The following OGFR variants were observed in gnomAD, a reference collection of about 807,000 sequenced individuals.
OGFR encodes the protein protein 7-60.
In OGFR, 18 loss-of-function variants were observed where a neutral mutation model predicts 33.6. The observed-to-expected ratio is 0.54, with a 90% CI of 0.37 to 0.80. The LOEUF is 0.80. Among genes scored for constraint, OGFR ranks in the 30% least tolerant of loss-of-function variants. The probability of loss-of-function intolerance (pLI) is 0.00; values close to 1 mark genes in which losing one functional copy is unlikely to be tolerated. For synonymous variants in OGFR, 370 were observed against 400.7 expected (o/e 0.92, Z 0.91); for missense variants, 877 against 955.8 (o/e 0.92, Z 1.09).
chr20:62,813,724 G>A lies in OGFR; in HGVS notation c.*75G>A. 6.5e-7 allele frequency: 1 copy of A among 1,539,290 alleles called. No homozygotes were observed. The highest frequency in any genetic ancestry group is 9.0e-7 in the Non-Finnish European group (1 of 1,116,814). On this transcript the variant is annotated 3_prime_UTR_variant, in exon 7 of 7. Coordinates refer to ENST00000290291, the MANE Select transcript of OGFR (RefSeq NM_007346.4). Reference sequence around the variant, plus strand: ...GCTGGGGCCTCCGGAGCTGCTGCGGGCTCCCCTCAGGCTCTGCTTCGTGAC... The same window carrying A: ...GCTGGGGCCTCCGGAGCTGCTGCGGACTCCCCTCAGGCTCTGCTTCGTGAC...
rs573433578 is a variant in OGFR, at chr20:62,808,215, A to G, written c.241-32A>G. ...CCCCAGGGCAGCTTGTGTCTGATGG[A>G]TCCCTGCTGTCCCCTTTCTCTGGCT... On this transcript the variant is annotated intron_variant, in intron 2 of 6. Transcript: ENST00000290291. 4.8e-5 allele frequency: 74 copies of G among 1,556,780 alleles called. 1 individual carries two copies. The South Asian group carries it at 7.2e-4, about 15-fold the overall frequency.
chr20:62,807,787 C>A (rs535612607), intron 2 of OGFR, 182 bp downstream of exon 2: 2 of 637,862 alleles, frequency 3.1e-6, no homozygotes, highest in East Asian at 2.7e-5. Context: ...TCCCCTCTCG[C>A]GGGAGACCGG....
intron 4 of OGFR, 102 bp from the exon 5 acceptor site, chr20:62,810,397 C>G (rs929473940): frequency 2.2e-5 from 25 of 1,150,970 alleles, no homozygotes; most frequent in Non-Finnish European, 3.1e-5. Context: ...AGCCTGGGAA[C>G]CCAGAGGGGA....
At position 62,812,668 on chromosome 20, in the gene OGFR, G is replaced by A. The variant is rs1292024350; in HGVS notation, c.1053G>A (p.Glu351=). ...VDEGPQPRSV[E]PQDAGPLERS... is the part of the protein sequence containing the mutation. ...AGGGGCCCCAGCCACGGAGCGTGGA[G>A]CCCCAGGATGCGGGACCCCTGGAGA... The change falls in exon 7 of 7, where the codon GAG becomes GAA. Residue 351 remains glutamate (E), a synonymous_variant. Transcript: ENST00000290291. 3.2e-6 allele frequency: 5 copies of A among 1,566,120 alleles called. No homozygotes were observed. Among genetic ancestry groups the A allele is most frequent in the Admixed American group, 1.9e-5 (1 of 51,996 alleles).
In OGFR at chr20:62,813,248, C is replaced by T. The variant is rs6122313; in HGVS notation, c.1633C>T (p.Arg545Cys). The change falls in exon 7 of 7, where the codon CGC (arginine) becomes TGC (cysteine). Residue 545 changes from arginine (R) to cysteine (C), a missense_variant. By Grantham distance (180) the Arg-to-Cys change is radical (BLOSUM62 -3). Coordinates refer to ENST00000290291, the MANE Select transcript of OGFR (RefSeq NM_007346.4). Reference sequence around the variant, plus strand: ...GAGCCCATCGGAGACCCCAGGCCCCCGCCCAGCAGGACCTGCAGGGGACGA... The same window carrying T: ...GAGCCCATCGGAGACCCCAGGCCCCTGCCCAGCAGGACCTGCAGGGGACGA... The part of the protein sequence containing the change: ...AESPSETPGP[R>C]PAGPAGDEPA... 2.2e-6 allele frequency: 3 copies of T among 1,334,648 alleles called. No homozygotes were observed. The highest frequency in any genetic ancestry group is 2.6e-5 in the Admixed American group (1 of 38,260). The allele number at this position is 1,334,648 out of a possible 1,614,324, so 82.7% of individuals were successfully genotyped here.
In OGFR at chr20:62,812,787, G is replaced by A. The variant is rs201013679; in HGVS notation, c.1172G>A (p.Arg391Gln). The change falls in exon 7 of 7, where the codon CGG becomes CAG. Residue 391 changes from arginine to glutamine, a missense_variant. Coordinates refer to ENST00000290291, the MANE Select transcript of OGFR (RefSeq NM_007346.4). ...AAGAAGAGGAAGCTGGAGCTGAGCC[G>A]GCGGGAGCAGCCGCCCACAGAGCCA... ...ESKKRKLELS[R>Q]REQPPTEPGP... 7.7e-5 allele frequency: 124 copies of A among 1,612,518 alleles called. No homozygotes were observed. The highest frequency in any genetic ancestry group is 1.2e-4 in the African/African-American group (9 of 75,056).
chr20:62,813,792 T>A lies in OGFR; in HGVS notation c.*143T>A. 3.0e-6 allele frequency: 3 copies of A among 985,630 alleles called. No homozygotes were observed. Among genetic ancestry groups the A allele is most frequent in the Non-Finnish European group, 4.6e-6 (3 of 656,914 alleles). The allele number at this position is 985,630 out of a possible 1,614,324, so 61.1% of individuals were successfully genotyped here. A position where few individuals can be genotyped will look rare whatever the true frequency, so the allele number is the denominator to read the frequency against. On this transcript the variant is annotated 3_prime_UTR_variant, in exon 7 of 7. Transcript: ENST00000290291. ...CAGTGCTGGCCTCCTGTGGGGCCAC[T>A]ATAGCAGCCACCAGAAGCCGCGAGG...
intron 4 of OGFR, 48 bp downstream of exon 4, chr20:62,809,711 G>A (rs772566994): frequency 3.6e-6 from 5 of 1,386,790 alleles, no homozygotes; most frequent in Non-Finnish European, 4.1e-6. Context: ...GGCCACAGGG[G>A]GAGGGCCCTC....
In OGFR at chr20:62,812,812, A is replaced by G. The variant is rs1299052056; in HGVS notation, c.1197A>G (p.Pro399=). ...LSRREQPPTE[P]GPQSASEVEK... ...GGCGGGAGCAGCCGCCCACAGAGCC[A>G]GGCCCTCAGAGTGCCTCAGAGGTGG... Residue 399 remains proline, a synonymous_variant, in exon 7 of 7, where the codon CCA becomes CCG. Transcript: ENST00000290291. 6.2e-7 allele frequency: 1 copy of G among 1,612,708 alleles called. No homozygotes were observed. The highest frequency in any genetic ancestry group is 8.5e-7 in the Non-Finnish European group (1 of 1,179,868).
At position 62,812,737 on chromosome 20, in the gene OGFR, G is replaced by T. The variant is rs377152446; in HGVS notation, c.1122G>T (p.Pro374=). The T allele has an allele frequency of 2.6e-5, 42 of 1,604,512 alleles. No individual in the cohort carries two copies. The highest frequency in any genetic ancestry group is 3.6e-5 in the Non-Finnish European group (42 of 1,176,112). The change falls in exon 7 of 7, where the codon CCG becomes CCT. Residue 374 remains proline (P), a synonymous_variant. Transcript: ENST00000290291. ...CAGGGGGCCACGGGGAAGATAGGCCGGAGCCCTTAAGCCCCAAAGAGAGCA... is the reference window on the plus strand; with the variant it reads ...CAGGGGGCCACGGGGAAGATAGGCCTGAGCCCTTAAGCCCCAAAGAGAGCA... ...DEAGGHGEDR[P]EPLSPKESKK...
At chr20:62,810,950 C>T (rs1474045367) in intron 5 of OGFR, among the ~76,000 whole-genome samples, 1 of 152,248 alleles carries the variant, frequency 6.6e-6, no homozygotes, top group Non-Finnish European at 1.5e-5. Flanking sequence ...CTGGCACTTT[C>T]CCATGGCCAG....
chr20:62,813,156 C>T lies in OGFR; in HGVS notation c.1541C>T (p.Thr514Ile), dbSNP rs1990777696. ...GGTCGAACGGGGCCCAAAGAAGGTA[C>T]CCCTGGGAGCCCATCGGAGACCCCA... ...TEGRTGPKEG[T>I]PGSPSETPGP... The change falls in exon 7 of 7, where the codon ACC becomes ATC. Residue 514 changes from threonine to isoleucine, a missense_variant. Around this residue, in one of 3 missense-constraint regions of OGFR, gnomAD observed 760 missense variants for 736.0 expected, o/e 1.03. Transcript: ENST00000290291. The T allele has an allele frequency of 1.9e-6, 3 of 1,586,230 alleles. No individual in the cohort carries two copies. Among genetic ancestry groups the T allele is most frequent in the African/African-American group, 2.7e-5 (2 of 74,174 alleles).
Position 62,813,154 on chromosome 20 carries a change from T to C in OGFR, c.1539T>C (p.Gly513=), listed in dbSNP as rs773808627. 3.8e-6 allele frequency: 6 copies of C among 1,584,736 alleles called. No homozygotes were observed. The highest frequency in any genetic ancestry group is 5.1e-6 in the Non-Finnish European group (6 of 1,166,180). ...AAGGTCGAACGGGGCCCAAAGAAGG[T>C]ACCCCTGGGAGCCCATCGGAGACCC... ...DTEGRTGPKE[G]TPGSPSETPG... The change falls in exon 7 of 7, where the codon GGT becomes GGC. Residue 513 remains glycine, a synonymous_variant. Transcript: ENST00000290291.
Position 62,811,626 on chromosome 20 carries a change from T to TACCCC in OGFR, c.614+16_614+17insACCCC. The TACCCC allele has an allele frequency of 6.7e-7, 1 of 1,502,546 alleles. No individual in the cohort carries two copies. The allele number at this position is 1,502,546 out of a possible 1,614,324, so 93.1% of individuals were successfully genotyped here. A position where few individuals can be genotyped will look rare whatever the true frequency, so the allele number is the denominator to read the frequency against. ...ACCTGAACTGGTGAGGCCCGGCTGCTCCCGCCCACCCCCACCCCGGCGCAG... is the reference window on the plus strand; with the variant it reads ...ACCTGAACTGGTGAGGCCCGGCTGCTACCCCCCCGCCCACCCCCACCCCGGCGCAG... On this transcript the variant is annotated intron_variant, in intron 6 of 6. Coordinates refer to ENST00000290291, the MANE Select transcript of OGFR (RefSeq NM_007346.4).
intron 3 of OGFR, 73 bp from the exon 4 acceptor site, chr20:62,809,512 C>T (rs912180734): frequency 2.6e-6 from 3 of 1,138,672 alleles, no homozygotes; most frequent in Non-Finnish European, 4.0e-6. Flanking sequence ...CTTATGTCCC[C>T]CACCCACACC....
chr20:62,807,442 T>G (rs1431140557), intron 1 of OGFR, 95 bp from the exon 2 acceptor site: 1 of 1,049,854 alleles, frequency 9.5e-7, no homozygotes, highest in Non-Finnish European at 1.5e-6. Flanking sequence ...AAGACAGCTC[T>G]GTGGCAGCTG....
rs1210848188 is a variant in OGFR, at chr20:62,813,054, C to T, written c.1439C>T (p.Ala480Val). The T allele has an allele frequency of 8.2e-6, 13 of 1,585,692 alleles. No individual in the cohort carries two copies. Among genetic ancestry groups the T allele is most frequent in the East Asian group, 4.6e-5 (2 of 43,432 alleles). Residue 480 changes from alanine to valine, a missense_variant, in exon 7 of 7, where the codon GCC becomes GTC. By Grantham distance (64) the Ala-to-Val change is moderately conservative (BLOSUM62 0). This residue lies in a region of OGFR where 760 missense variants were observed against 736.0 expected (regional missense o/e 1.03). Coordinates refer to ENST00000290291, the MANE Select transcript of OGFR (RefSeq NM_007346.4). Reference sequence around the variant, plus strand: ...GCCAGTGGTGGTGCCCAGACCTTGGCCCTTGCCGGGTCCCCTGCCCCATCG... The same window carrying T: ...GCCAGTGGTGGTGCCCAGACCTTGGTCCTTGCCGGGTCCCCTGCCCCATCG... ...AVASGGAQTL[A>V]LAGSPAPSGH...
intron 1 of OGFR, 63 bp from the exon 2 acceptor site, chr20:62,807,474 C>G: frequency 6.7e-7 from 1 of 1,494,204 alleles, no homozygotes. Context: ...GCAGCCCTCA[C>G]CACGTTGGGA....
At chr20:62,807,795 CG>C (rs1568737303) in intron 2 of OGFR, 190 bp downstream of exon 2, 5 of 626,726 alleles carry the variant, frequency 8.0e-6, no homozygotes, top group Non-Finnish European at 8.5e-6. Flanking sequence ...CGCGGGAGAC[CG>C]GGGGCATCCC....
Sources: gnomAD v4.1 joint callset for allele counts (sites outside exome capture counted in the v4.1 genomes callset) on GRCh38, gnomAD v4.1.1 for gene constraint, gnomAD v4.1.1 regional missense constraint, MANE v1.5 for transcripts, NCBI Gene and HGNC (gene_info 2026-07-23, HGNC 2026-07-21) for gene names.